The following KHDRBS2 variants were observed in gnomAD, a reference collection of about 807,000 sequenced individuals.
KHDRBS2 encodes KH RNA binding domain containing, signal transduction associated 2, also known as KH domain-containing, RNA-binding, signal transduction-associated protein 2.
KHDRBS2 carries 26 observed loss-of-function variants against 44.3 expected under a neutral mutation model. The observed-to-expected ratio is 0.59, with a 90% CI of 0.43 to 0.81. The LOEUF is 0.81. KHDRBS2 is among the 40% of genes least tolerant of loss of function. The probability of loss-of-function intolerance (pLI) is 0.00; values close to 1 mark genes in which losing one functional copy is unlikely to be tolerated. For missense variants in KHDRBS2, 476 were observed against 433.1 expected (o/e 1.10, Z -0.88); for synonymous variants, 194 against 151.1 (o/e 1.28, Z -2.08).
intron 6 of KHDRBS2, among the ~76,000 whole-genome samples, chr6:61,770,340 G>T (rs1384165563): frequency 6.6e-6 from 1 of 152,228 alleles, no homozygotes; most frequent in Admixed American, 6.5e-5. Context: ...GATGGGGAAT[G>T]ACTTTGCCGA....
intron 6 of KHDRBS2, among the ~76,000 whole-genome samples, chr6:61,784,503 A>G (rs766348092): frequency 6.8e-4 from 104 of 152,054 alleles, no homozygotes; most frequent in Non-Finnish European, 6.3e-4. Context: ...TTGCATACCA[A>G]TTTTGTTTTT....
chr6:61,563,601 A>G, the KHDRBS2 span, among the ~76,000 whole-genome samples: 3 of 152,102 alleles, frequency 2.0e-5, no homozygotes, highest in African/African-American at 7.2e-5. Flanking sequence ...TACAAATAAG[A>G]GTCACAGTCG....
intron 6 of KHDRBS2, among the ~76,000 whole-genome samples, chr6:61,768,552 T>C (rs1397248761): frequency 2.0e-5 from 3 of 152,064 alleles, no homozygotes; most frequent in African/African-American, 7.2e-5. Flanking sequence ...TTTTTATTCC[T>C]TTTTCTCCTG....
intron 6 of KHDRBS2, 77 bp downstream of exon 6, chr6:61,894,558 T>A: frequency 1.4e-5 from 16 of 1,166,508 alleles, no homozygotes; most frequent in Non-Finnish European, 2.0e-5. Context: ...ATTCACGGTA[T>A]ATGAACAGTT....
At chr6:62,243,297 T>C (rs1364538031) in intron 1 of KHDRBS2, among the ~76,000 whole-genome samples, 1 of 152,118 alleles carries the variant, frequency 6.6e-6, no homozygotes, top group African/African-American at 2.4e-5. Flanking sequence ...TATGCTTCTA[T>C]AATGGTCAGT....
chr6:61,642,682 A>G, the KHDRBS2 span, among the ~76,000 whole-genome samples: 1 of 151,742 alleles, frequency 6.6e-6, no homozygotes. Flanking sequence ...AAAGAATAAT[A>G]AATTTTAAAT....
intron 6 of KHDRBS2, among the ~76,000 whole-genome samples, chr6:61,875,546 G>A (rs1303679587): frequency 2.0e-5 from 3 of 152,084 alleles, no homozygotes. Context: ...TGAGAAATAG[G>A]TTCCATTACA....
intron 6 of KHDRBS2, among the ~76,000 whole-genome samples, chr6:61,829,146 T>A (rs1432245952): frequency 6.6e-6 from 1 of 152,196 alleles, no homozygotes; most frequent in Admixed American, 6.5e-5. Context: ...TGTGTGTAGT[T>A]GGGATTGAGA....
At chr6:61,848,536 T>TATAC (rs1794896142) in intron 6 of KHDRBS2, among the ~76,000 whole-genome samples, 1 of 59,392 alleles carries the variant, frequency 1.7e-5, no homozygotes, top group African/African-American at 1.0e-4. Flanking sequence ...TATATACATA[T>TATAC]ATATGTATAT....
chr6:62,100,045 A>G (rs1339529033), intron 2 of KHDRBS2, among the ~76,000 whole-genome samples: 1 of 150,920 alleles, frequency 6.6e-6, no homozygotes, highest in African/African-American at 2.4e-5. Flanking sequence ...ACCATTCTAG[A>G]TGCCATCAAG....
intron 3 of KHDRBS2, among the ~76,000 whole-genome samples, chr6:61,983,727 C>T (rs915290544): frequency 2.6e-5 from 4 of 152,110 alleles, no homozygotes; most frequent in African/African-American, 9.7e-5. Context: ...AGGTTATAAT[C>T]AAGCCAAATC....
At chr6:62,107,414 C>A (rs1302912493) in intron 2 of KHDRBS2, among the ~76,000 whole-genome samples, 4 of 152,114 alleles carry the variant, frequency 2.6e-5, no homozygotes, top group Admixed American at 2.6e-4. Context: ...TCAAGGAGAA[C>A]TACAAACCAC....
intron 6 of KHDRBS2, among the ~76,000 whole-genome samples, chr6:61,744,232 C>T (rs1359942409): frequency 6.6e-6 from 1 of 152,062 alleles, no homozygotes; most frequent in Non-Finnish European, 1.5e-5. Flanking sequence ...CTATTACACA[C>T]CATAAATTAA....
At chr6:61,639,693 C>T in the KHDRBS2 span, among the ~76,000 whole-genome samples, 3 of 152,012 alleles carry the variant, frequency 2.0e-5, no homozygotes, top group Non-Finnish European at 2.9e-5. Flanking sequence ...CCATGATTTA[C>T]AGACATCTTT....
chr6:61,833,952 C>A (rs1792247332), intron 6 of KHDRBS2, among the ~76,000 whole-genome samples: 2 of 151,924 alleles, frequency 1.3e-5, no homozygotes, highest in Non-Finnish European at 2.9e-5. Context: ...ATGCAACAGC[C>A]AGAATTAGAC....
At chr6:61,728,542 T>C (rs1773944471) in intron 7 of KHDRBS2, among the ~76,000 whole-genome samples, 1 of 152,170 alleles carries the variant, frequency 6.6e-6, no homozygotes, top group Non-Finnish European at 1.5e-5. Context: ...AACATTTAAC[T>C]GTACTGGAAT....
chr6:61,611,116 G>A, the KHDRBS2 span, among the ~76,000 whole-genome samples: 1 of 152,142 alleles, frequency 6.6e-6, no homozygotes, highest in East Asian at 1.9e-4. Context: ...TTCAAAGACA[G>A]TGTAGTTAAA....
At chr6:61,693,792 G>A (rs1350190651) in intron 8 of KHDRBS2, among the ~76,000 whole-genome samples, 1 of 152,096 alleles carries the variant, frequency 6.6e-6, no homozygotes, top group Non-Finnish European at 1.5e-5. Context: ...CTTTGCAACA[G>A]CAGGAGAACC....
intron 6 of KHDRBS2, among the ~76,000 whole-genome samples, chr6:61,793,538 AAG>A (rs1784911180): frequency 6.6e-6 from 1 of 152,110 alleles, no homozygotes; most frequent in Non-Finnish European, 1.5e-5. Context: ...AGAAGTGAAA[AAG>A]AAGTTTCAAC....
Sources: gnomAD v4.1 joint callset for allele counts (sites outside exome capture counted in the v4.1 genomes callset) on GRCh38, gnomAD v4.1.1 for gene constraint, MANE v1.5 for transcripts, NCBI Gene and HGNC (gene_info 2026-07-23, HGNC 2026-07-21) for gene names.